Variants in SEC22C observed in about 807,000 individuals in gnomAD.
SEC22C encodes vesicle-trafficking protein SEC22c.
A neutral mutation model predicts 34.7 loss-of-function variants in SEC22C; 29 were observed. The observed-to-expected ratio is 0.84, with a 90% confidence interval of 0.62 to 1.14. The LOEUF (loss-of-function observed/expected upper bound fraction) is 1.14, where lower values mean the gene tolerates loss of function less well. Among genes scored for constraint, SEC22C ranks in the 50% most tolerant of loss-of-function variants. The pLI, the probability that SEC22C is intolerant of heterozygous loss-of-function variation, is 0.00. For missense variants in SEC22C, 337 were observed against 369.0 expected, an observed-to-expected ratio of 0.91 and a Z score of 0.71; for synonymous variants, 117 against 132.8, an observed-to-expected ratio of 0.88 and a Z score of 0.82.
At chr3:42,554,341 G>T (rs935507375) in intron 6 of SEC22C, among the ~76,000 whole-genome samples, 2 of 152,068 alleles carry the variant, frequency 1.3e-5, no homozygotes, top group Non-Finnish European at 2.9e-5. Context: ...TGCATAATCA[G>T]GTAATGCTTT....
At chr3:42,600,978 T>C in exon 1 of SEC22C, 3 of 1,517,346 alleles carry the variant, frequency 2.0e-6, no homozygotes, top group Non-Finnish European at 2.7e-6. Context: ...TCCCCCTCTC[T>C]CCCAGCTCTT....
intron 1 of SEC22C, among the ~76,000 whole-genome samples, chr3:42,572,453 G>A (rs1272012807): frequency 6.6e-6 from 1 of 152,104 alleles, no homozygotes; most frequent in Non-Finnish European, 1.5e-5. Flanking sequence ...ATCCTGCCGG[G>A]GTAGCATCAG....
At chr3:42,596,314 G>A (rs1299032955) in intron 1 of SEC22C, among the ~76,000 whole-genome samples, 4 of 152,084 alleles carry the variant, frequency 2.6e-5, no homozygotes, top group Non-Finnish European at 5.9e-5. Context: ...AAGCCACCGC[G>A]CCCAGCCGAT....
rs145747771 is a variant in SEC22C, at chr3:42,580,220, TGA to T, written c.-28+1624_-28+1625del. Among the ~76,000 whole-genome samples the T allele has an allele frequency of 6.6e-5, 10 of 150,514 alleles. No homozygotes were observed. The East Asian group carries it at 9.7e-4, about 15-fold the overall frequency. On this transcript the variant is annotated intron_variant, in intron 1 of 6. Coordinates refer to ENST00000264454, the MANE Select transcript of SEC22C (RefSeq NM_032970.4). ...CTCCTCAAGCCCCTACCACATGCAC[TGA>T]GAGAGAGAGAGGCTGAGAGAGACAG...
chr3:42,585,078 G>C (rs555004783), upstream of SEC22C, among the ~76,000 whole-genome samples: 1 of 152,116 alleles, frequency 6.6e-6, no homozygotes, highest in Non-Finnish European at 1.5e-5. Context: ...GCAGTAAGCC[G>C]AGATCGCACC....
chr3:42,562,035 C>A (rs577927979), intron 3 of SEC22C, among the ~76,000 whole-genome samples: 1 of 151,888 alleles, frequency 6.6e-6, no homozygotes, highest in Non-Finnish European at 1.5e-5. Flanking sequence ...CAAATGAATA[C>A]GTTGTGGAAA....
upstream of SEC22C, among the ~76,000 whole-genome samples, chr3:42,586,433 G>C (rs1302047543): frequency 6.6e-6 from 1 of 152,204 alleles, no homozygotes; most frequent in East Asian, 1.9e-4. Flanking sequence ...ATGTTAGCCA[G>C]GCTGGTCTCA....
rs1368749904 is a variant in SEC22C at position 42,553,345 on chromosome 3, A to G, written c.815T>C (p.Leu272Pro). Reference protein sequence around the residue: ...GNMYLHGLRNLWQILFHIGVA... With the variant: ...GNMYLHGLRNPWQILFHIGVA... ...TCCTATGTGGAAAAGGATTTGCCAG[A>G]GGTTCCTCAGCCCGTGCAGGTACAT... Residue 272 changes from leucine (L) to proline (P), a missense_variant, in exon 7 of 7, where the codon CTC becomes CCC. By Grantham distance (98) the Leu-to-Pro change is moderately conservative. Coordinates refer to ENST00000264454, the MANE Select transcript of SEC22C (RefSeq NM_032970.4). The G allele has an allele frequency of 6.2e-7, 1 of 1,614,194 alleles. No individual in the cohort carries two copies. Among genetic ancestry groups the G allele is most frequent in the East Asian group, 2.2e-5 (1 of 44,890 alleles).
Position 42,548,914 on chromosome 3 carries a change from C to A in SEC22C, c.*4334G>T. On this transcript the variant is annotated 3_prime_UTR_variant, in exon 7 of 7. Transcript: ENST00000264454. Reference sequence around the variant, plus strand: ...CACACAATGGACTCACCCAGTATTACCCTCCACTACCACTTTTGACCCTCA... The same window carrying A: ...CACACAATGGACTCACCCAGTATTAACCTCCACTACCACTTTTGACCCTCA... 7.7e-7 allele frequency: 1 copy of A among 1,301,646 alleles called. No homozygotes were observed. Among genetic ancestry groups the A allele is most frequent in the South Asian group, 2.2e-5 (1 of 45,732 alleles). The allele number at this position is 1,301,646 out of a possible 1,614,324, so 80.6% of individuals were successfully genotyped here. A position where few individuals can be genotyped will look rare whatever the true frequency, so the allele number is the denominator to read the frequency against.
rs766796474 is a variant in SEC22C, at chr3:42,548,690, G to C, written c.*4558C>G. 6.2e-7 allele frequency: 1 copy of C among 1,614,012 alleles called. No homozygotes were observed. Among genetic ancestry groups the C allele is most frequent in the South Asian group, 1.1e-5 (1 of 91,070 alleles). On this transcript the variant is annotated 3_prime_UTR_variant, in exon 7 of 7. Coordinates refer to ENST00000264454, the MANE Select transcript of SEC22C (RefSeq NM_032970.4). ...AAACCAAACATCAATGGTACCATGC[G>C]CTCTGTGCCCAGGGAGTGAAAGGCA...
chr3:42,583,608 C>T (rs1027234909), upstream of SEC22C, among the ~76,000 whole-genome samples: 2 of 152,114 alleles, frequency 1.3e-5, no homozygotes, highest in Non-Finnish European at 2.9e-5. Context: ...ACTCAGGTAG[C>T]TGGGGGAACA....
intron 1 of SEC22C, among the ~76,000 whole-genome samples, chr3:42,588,130 A>C (rs1237050020): frequency 5.8e-4 from 87 of 150,426 alleles, no homozygotes; most frequent in Non-Finnish European, 7.4e-5. Context: ...GGGGCCAGGC[A>C]CGGTGGCTCA....
In SEC22C at chr3:42,553,014, T is replaced by G. The variant is rs1458525883; in HGVS notation, c.*234A>C. The G allele has an allele frequency of 2.4e-5, 33 of 1,362,010 alleles. No individual in the cohort carries two copies. The highest frequency in any genetic ancestry group is 2.9e-5 in the Non-Finnish European group (31 of 1,058,998). 84.4% of individuals were successfully genotyped at this position (1,362,010 alleles called of 1,614,324 possible). On this transcript the variant is annotated 3_prime_UTR_variant, in exon 7 of 7. Coordinates refer to ENST00000264454, the MANE Select transcript of SEC22C (RefSeq NM_032970.4). ...AGCCCCCAGATCCAGCTGTCCTAGG[T>G]AAACGTGCTGAACTGGCTGGAGATC...
chr3:42,562,988 A>C (rs1263888609), intron 3 of SEC22C, among the ~76,000 whole-genome samples: 1 of 152,238 alleles, frequency 6.6e-6, no homozygotes, highest in East Asian at 1.9e-4. Flanking sequence ...TCTAAACACC[A>C]GTTCTCACTT....
Position 42,550,679 on chromosome 3 carries a change from T to C in SEC22C, c.*2569A>G. On this transcript the variant is annotated 3_prime_UTR_variant, in exon 7 of 7. Transcript: ENST00000264454. ...CACATTCGACCTGGTGTGGATAACA[T>C]CTCTGGTAGTGCCTCGGTGGTCAGG... 1 of 985,194 alleles carries C rather than the reference T, an allele frequency of 1.0e-6. No individual in the cohort carries two copies. The highest frequency in any genetic ancestry group is 1.2e-6 in the Non-Finnish European group (1 of 829,888). The allele number at this position is 985,194 out of a possible 1,614,324, so 61.0% of individuals were successfully genotyped here.
chr3:42,565,899 GTC>G (rs1187931462), intron 2 of SEC22C: 2 of 455,712 alleles, frequency 4.4e-6, no homozygotes, highest in Non-Finnish European at 8.8e-6. Flanking sequence ...AGAAAAGAAA[GTC>G]TATTTCCTCT....
At chr3:42,557,991 C>G (rs990556717) in intron 4 of SEC22C, among the ~76,000 whole-genome samples, 1 of 152,210 alleles carries the variant, frequency 6.6e-6, no homozygotes, top group Admixed American at 6.5e-5. Flanking sequence ...TGGTTCTCAA[C>G]CAGGGGCAAT....
At chr3:42,591,150 G>T in intron 1 of SEC22C, 2 of 664,596 alleles carry the variant, frequency 3.0e-6, no homozygotes, top group Non-Finnish European at 5.3e-6. Flanking sequence ...CCCCGGCATG[G>T]GGTTCGGTCC....
chr3:42,598,390 CA>C (rs558415250), intron 1 of SEC22C, among the ~76,000 whole-genome samples: 9 of 150,874 alleles, frequency 6.0e-5, no homozygotes, highest in Non-Finnish European at 1.2e-4. Flanking sequence ...TGCAGTGGCG[CA>C]ATCTCGGCTC....
Sources: gnomAD v4.1 joint callset for allele counts (sites outside exome capture counted in the v4.1 genomes callset) on GRCh38, gnomAD v4.1.1 for gene constraint, MANE v1.5 for transcripts, NCBI Gene and HGNC (gene_info 2026-07-23, HGNC 2026-07-21) for gene names.